The following CTNNA2 variants were observed in gnomAD, a reference collection of about 807,000 sequenced individuals.
The protein encoded by CTNNA2 is catenin alpha-2.
Under a neutral mutation model 101.0 loss-of-function variants are expected in CTNNA2, and 42 were observed. The observed-to-expected ratio is 0.42, with a 90% CI of 0.32 to 0.54. The LOEUF (loss-of-function observed/expected upper bound fraction) is 0.54, where lower values mean the gene tolerates loss of function less well. Among genes scored for constraint, CTNNA2 ranks in the 20% least tolerant of loss-of-function variants. The probability of loss-of-function intolerance (pLI) is 0.14; values close to 1 mark genes in which losing one functional copy is unlikely to be tolerated. For missense variants in CTNNA2, 871 were observed against 1,223.1 expected, an observed-to-expected ratio of 0.71 and a Z score of 4.29; for synonymous variants, 450 against 456.4, an observed-to-expected ratio of 0.99 and a Z score of 0.18.
At chr2:80,460,524 C>T (rs1454746025) in intron 9 of CTNNA2, among the ~76,000 whole-genome samples, 1 of 152,022 alleles carries the variant, frequency 6.6e-6, no homozygotes, top group Non-Finnish European at 1.5e-5. Flanking sequence ...GTACTATATG[C>T]AAGGTATATT....
intron 3 of CTNNA2, among the ~76,000 whole-genome samples, chr2:79,833,436 C>T (rs999604874): frequency 6.6e-6 from 1 of 152,114 alleles, no homozygotes; most frequent in African/African-American, 2.4e-5. Flanking sequence ...TTTCAGCATC[C>T]TTCTCTCTTT....
chr2:79,420,380 G>C (rs1202610166), intron 4 of CTNNA2, among the ~76,000 whole-genome samples: 1 of 152,010 alleles, frequency 6.6e-6, no homozygotes, highest in Admixed American at 6.6e-5. Context: ...TCCTGTCTTA[G>C]GAAGAATCGA....
At chr2:79,763,909 T>G (rs1405534702) in intron 3 of CTNNA2, among the ~76,000 whole-genome samples, 3 of 152,232 alleles carry the variant, frequency 2.0e-5, no homozygotes, top group Non-Finnish European at 4.4e-5. Flanking sequence ...TAAGTTGTAT[T>G]TAAAAGCTTT....
chr2:79,653,245 G>T (rs1018942305), intron 2 of CTNNA2, among the ~76,000 whole-genome samples: 1 of 152,126 alleles, frequency 6.6e-6, no homozygotes, highest in African/African-American at 2.4e-5. Context: ...ATGAAGGGTT[G>T]CACATATTTT....
At chr2:79,311,731 T>TGCAG (rs966483556) in intron 2 of CTNNA2, among the ~76,000 whole-genome samples, 13 of 152,068 alleles carry the variant, frequency 8.5e-5, no homozygotes, top group African/African-American at 4.8e-5. Context: ...AGACCCACAT[T>TGCAG]GCAGGCATCA....
chr2:79,922,704 C>T (rs1348030330), intron 7 of CTNNA2, among the ~76,000 whole-genome samples: 1 of 149,742 alleles, frequency 6.7e-6, no homozygotes, highest in African/African-American at 2.5e-5. Context: ...TTTCCTAAAA[C>T]CTCTGTTTTG....
At chr2:79,718,776 A>G (rs1484735639) in intron 2 of CTNNA2, among the ~76,000 whole-genome samples, 1 of 151,706 alleles carries the variant, frequency 6.6e-6, no homozygotes, top group African/African-American at 2.4e-5. Flanking sequence ...TTTCAATAGG[A>G]GAGTTGGTAA....
intron 4 of CTNNA2, among the ~76,000 whole-genome samples, chr2:79,402,380 A>C (rs1482428472): frequency 6.6e-6 from 1 of 151,840 alleles, no homozygotes; most frequent in African/African-American, 2.4e-5. Flanking sequence ...CTTTATCTGC[A>C]GGGGATGTGT....
chr2:79,295,506 T>TTTTC (rs1181501128), intron 2 of CTNNA2, among the ~76,000 whole-genome samples: 3 of 152,048 alleles, frequency 2.0e-5, no homozygotes, highest in East Asian at 1.9e-4. Flanking sequence ...TTTTTTTTCT[T>TTTTC]TTTCTTTCTT....
chr2:80,423,007 T>C (rs1680666545), intron 9 of CTNNA2, among the ~76,000 whole-genome samples: 1 of 152,160 alleles, frequency 6.6e-6, no homozygotes, highest in Non-Finnish European at 1.5e-5. Context: ...AATACATTTG[T>C]ATTTTTTGTT....
chr2:79,221,460 T>C (rs1674344362), intron 2 of CTNNA2, among the ~76,000 whole-genome samples: 2 of 152,224 alleles, frequency 1.3e-5, no homozygotes, highest in Non-Finnish European at 2.9e-5. Context: ...AAATATAAAT[T>C]TCTAACTGTA....
At chr2:80,261,450 T>TC (rs1220631355) in intron 7 of CTNNA2, among the ~76,000 whole-genome samples, 4 of 152,076 alleles carry the variant, frequency 2.6e-5, no homozygotes, top group Non-Finnish European at 2.9e-5. Flanking sequence ...TTGCGTGCTC[T>TC]CAAGCACTGC....
intron 7 of CTNNA2, among the ~76,000 whole-genome samples, chr2:80,356,951 C>G (rs1266680012): frequency 6.6e-6 from 1 of 152,158 alleles, no homozygotes. Context: ...AGCGAGGAGT[C>G]ATATTAATAT....
chr2:80,248,539 T>G (rs1671516693), intron 7 of CTNNA2, among the ~76,000 whole-genome samples: 1 of 152,238 alleles, frequency 6.6e-6, no homozygotes. Context: ...GTGTGTCATT[T>G]CATCATAGTT....
At chr2:79,769,146 T>C (rs181739927) in intron 3 of CTNNA2, among the ~76,000 whole-genome samples, 18,020 of 152,130 alleles carry the variant, frequency 0.12, 1,179 homozygotes, top group Admixed American at 0.17. Flanking sequence ...TGAGCCACTG[T>C]GCTCGGCCTG....
intron 5 of CTNNA2, among the ~76,000 whole-genome samples, chr2:79,506,881 C>T (rs1252940257): frequency 6.6e-6 from 1 of 152,112 alleles, no homozygotes; most frequent in Non-Finnish European, 1.5e-5. Flanking sequence ...AGTTATGTGA[C>T]TAGTTTTGCC....
intron 18 of CTNNA2, among the ~76,000 whole-genome samples, chr2:80,624,543 A>T (rs986636520): frequency 2.0e-5 from 3 of 151,980 alleles, no homozygotes; most frequent in Admixed American, 2.0e-4. Context: ...GCCCTGGTTG[A>T]GAAGAAAGTG....
At chr2:80,327,637 G>A (rs749279421) in intron 7 of CTNNA2, among the ~76,000 whole-genome samples, 92 of 152,254 alleles carry the variant, frequency 6.0e-4, no homozygotes, top group African/African-American at 2.1e-3. Flanking sequence ...TGGAAACAAC[G>A]AGGACGTGTG....
intron 1 of CTNNA2, among the ~76,000 whole-genome samples, chr2:79,527,569 C>A (rs1246227251): frequency 3.3e-5 from 5 of 150,858 alleles, no homozygotes; most frequent in Non-Finnish European, 5.9e-5. Context: ...AGCTTGAACC[C>A]AGGAGGCGGA....
Sources: allele counts gnomAD v4.1 joint callset (sites outside exome capture counted in the v4.1 genomes callset), GRCh38; gene constraint gnomAD v4.1.1; transcripts MANE v1.5; gene names NCBI Gene and HGNC (gene_info 2026-07-23, HGNC 2026-07-21).